The following RCAN2 variants were observed in gnomAD, a reference collection of about 807,000 sequenced individuals.
RCAN2 encodes the protein calcipressin-2.
Under a neutral mutation model 23.6 loss-of-function variants are expected in RCAN2, and 9 were observed. The observed-to-expected ratio is 0.38, with a 90% CI of 0.23 to 0.67. The LOEUF is 0.67. RCAN2 is among the 30% of genes least tolerant of loss of function. The pLI is 0.51. For missense variants in RCAN2, 273 were observed against 302.3 expected, an observed-to-expected ratio of 0.90 and a Z score of 0.72; for synonymous variants, 109 against 115.7, an observed-to-expected ratio of 0.94 and a Z score of 0.37.
At chr6:46,390,617 A>G (rs888171979) in intron 2 of RCAN2, among the ~76,000 whole-genome samples, 7 of 152,214 alleles carry the variant, frequency 4.6e-5, no homozygotes, top group Non-Finnish European at 7.3e-5. Context: ...TGATTACCAC[A>G]AACTTTCACT....
At chr6:46,290,811 A>C (rs1418546779) in intron 2 of RCAN2, among the ~76,000 whole-genome samples, 1 of 152,254 alleles carries the variant, frequency 6.6e-6, no homozygotes, top group Non-Finnish European at 1.5e-5. Flanking sequence ...GTACACAGAA[A>C]TATAGTAGCA....
intron 2 of RCAN2, among the ~76,000 whole-genome samples, chr6:46,381,081 A>C (rs1288871715): frequency 6.6e-6 from 1 of 152,214 alleles, no homozygotes; most frequent in Non-Finnish European, 1.5e-5. Context: ...ATCAGATCAC[A>C]TTAAAACATG....
intron 2 of RCAN2, among the ~76,000 whole-genome samples, chr6:46,438,141 T>C (rs758911322): frequency 2.4e-4 from 37 of 152,182 alleles, no homozygotes; most frequent in Admixed American, 6.5e-4. Flanking sequence ...AGGACAACAA[T>C]GCTGATTACA....
chr6:46,338,771 G>A (rs1764216179), intron 2 of RCAN2, among the ~76,000 whole-genome samples: 1 of 152,046 alleles, frequency 6.6e-6, no homozygotes, highest in South Asian at 2.1e-4. Flanking sequence ...CCAGCACTTT[G>A]GGAGGCCAAG....
At chr6:46,359,906 A>T (rs1764952183) in intron 2 of RCAN2, among the ~76,000 whole-genome samples, 1 of 152,216 alleles carries the variant, frequency 6.6e-6, no homozygotes, top group Non-Finnish European at 1.5e-5. Context: ...GACCTAAAGG[A>T]ACAAGACCCA....
At chr6:46,401,020 A>C (rs1405804319) in intron 2 of RCAN2, among the ~76,000 whole-genome samples, 4 of 152,178 alleles carry the variant, frequency 2.6e-5, no homozygotes, top group Non-Finnish European at 5.9e-5. Context: ...TTTCCCAGTG[A>C]TTCTTATACA....
chr6:46,281,087 A>G (rs1364552494), intron 2 of RCAN2, among the ~76,000 whole-genome samples: 1 of 152,128 alleles, frequency 6.6e-6, no homozygotes, highest in Non-Finnish European at 1.5e-5. Flanking sequence ...TTCCTGGAGA[A>G]AGGGTCAGGC....
At chr6:46,267,929 A>C (rs529135796) in intron 2 of RCAN2, among the ~76,000 whole-genome samples, 1 of 152,276 alleles carries the variant, frequency 6.6e-6, no homozygotes, top group East Asian at 1.9e-4. Context: ...ACCTGAGCCT[A>C]CTTAAGAATA....
intron 2 of RCAN2, among the ~76,000 whole-genome samples, chr6:46,365,663 T>C (rs1422689080): frequency 3.9e-5 from 6 of 152,240 alleles, no homozygotes; most frequent in Non-Finnish European, 8.8e-5. Context: ...TATTTCCTTA[T>C]CTAAGCATTT....
intron 2 of RCAN2, among the ~76,000 whole-genome samples, chr6:46,388,351 G>A (rs1765828810): frequency 1.3e-5 from 2 of 152,198 alleles, no homozygotes; most frequent in South Asian, 4.2e-4. Context: ...TACACTGTTG[G>A]TGGGAATGTT....
At chr6:46,296,338 A>G (rs1361333345) in intron 2 of RCAN2, among the ~76,000 whole-genome samples, 2 of 151,580 alleles carry the variant, frequency 1.3e-5, no homozygotes, top group Non-Finnish European at 2.9e-5. Flanking sequence ...GACTTCACCA[A>G]TGCAATGTCC....
At chr6:46,273,066 T>A (rs1029916859) in intron 2 of RCAN2, among the ~76,000 whole-genome samples, 2 of 152,198 alleles carry the variant, frequency 1.3e-5, no homozygotes, top group Admixed American at 1.3e-4. Context: ...CTTAGCTATG[T>A]CTGTGTTTGT....
At chr6:46,292,435 T>TG (rs1762594508) in intron 2 of RCAN2, among the ~76,000 whole-genome samples, 5 of 145,098 alleles carry the variant, frequency 3.4e-5, no homozygotes, top group Admixed American at 6.8e-5. Flanking sequence ...TGTTTTTTTT[T>TG]TTGTTTTTTT....
intron 2 of RCAN2, among the ~76,000 whole-genome samples, chr6:46,399,304 A>G (rs567847186): frequency 1.3e-5 from 2 of 152,078 alleles, no homozygotes; most frequent in South Asian, 2.1e-4. Flanking sequence ...AAGGATAAAA[A>G]TATTTTAAAT....
intron 2 of RCAN2, among the ~76,000 whole-genome samples, chr6:46,281,883 T>C (rs923774923): frequency 6.6e-6 from 1 of 152,134 alleles, no homozygotes; most frequent in Admixed American, 6.5e-5. Context: ...AATTACTTTA[T>C]CCAAGGTCAC....
chr6:46,381,824 T>C (rs1765622315), intron 2 of RCAN2, among the ~76,000 whole-genome samples: 1 of 152,120 alleles, frequency 6.6e-6, no homozygotes, highest in Non-Finnish European at 1.5e-5. Flanking sequence ...TAAAAAATCT[T>C]ATCTGGTAAA....
intron 2 of RCAN2, among the ~76,000 whole-genome samples, chr6:46,453,328 C>T (rs547905038): frequency 3.6e-4 from 55 of 152,330 alleles, no homozygotes; most frequent in Admixed American, 2.0e-3. Flanking sequence ...CAATTTCCTC[C>T]AGCTCCGGTT....
At chr6:46,419,853 CT>C (rs1766825790) in intron 2 of RCAN2, among the ~76,000 whole-genome samples, 1 of 152,092 alleles carries the variant, frequency 6.6e-6, no homozygotes, top group South Asian at 2.1e-4. Context: ...TTCATTTATT[CT>C]TCGTGTTGGC....
intron 2 of RCAN2, among the ~76,000 whole-genome samples, chr6:46,299,101 T>C (rs945046869): frequency 1.3e-5 from 2 of 151,868 alleles, no homozygotes; most frequent in African/African-American, 4.8e-5. Flanking sequence ...GGGGACTGCT[T>C]GTGGGGGAAG....
Sources: gnomAD v4.1 joint callset for allele counts (sites outside exome capture counted in the v4.1 genomes callset) on GRCh38, gnomAD v4.1.1 for gene constraint, MANE v1.5 for transcripts, NCBI Gene and HGNC (gene_info 2026-07-23, HGNC 2026-07-21) for gene names.